Variants in MERTK observed in about 807,000 individuals in gnomAD.
MERTK encodes the protein MER proto-oncogene, tyrosine kinase, also known as tyrosine-protein kinase Mer.
A neutral mutation model predicts 99.3 loss-of-function variants in MERTK; 69 were observed. The ratio of observed to expected loss-of-function variants is 0.70; its 90% CI spans 0.57 to 0.85. MERTK has a LOEUF of 0.85. MERTK is among the 40% of genes least tolerant of loss of function. The pLI is 0.00. For synonymous variants in MERTK, 426 were observed against 467.6 expected, an observed-to-expected ratio of 0.91 and a Z score of 1.15; for missense variants, 1,125 against 1,249.4, an observed-to-expected ratio of 0.90 and a Z score of 1.50.
chr2:111,931,017 T>A (rs558663038), intron 2 of MERTK, among the ~76,000 whole-genome samples: 1 of 152,336 alleles, frequency 6.6e-6, no homozygotes, highest in South Asian at 2.1e-4. Context: ...TTCTCCACTT[T>A]GGAGTGGAGC....
At chr2:111,961,401 C>T (rs909615237) in intron 4 of MERTK, among the ~76,000 whole-genome samples, 4 of 151,720 alleles carry the variant, frequency 2.6e-5, no homozygotes, top group South Asian at 2.1e-4. Flanking sequence ...GACCTCCGCC[C>T]GCCTCAGCCT....
intron 1 of MERTK, 147 bp downstream of exon 1, chr2:111,898,943 A>G: frequency 2.3e-6 from 2 of 873,354 alleles, no homozygotes; most frequent in Non-Finnish European, 3.4e-6. Context: ...GTGCCAGAGG[A>G]GGGGGCGTAG....
intron 7 of MERTK, among the ~76,000 whole-genome samples, chr2:111,979,561 CTG>C (rs1354988695): frequency 1.3e-5 from 2 of 152,000 alleles, no homozygotes; most frequent in Admixed American, 6.6e-5. Context: ...GTTCCACTCT[CTG>C]TTTTTTCCAG....
At chr2:111,969,980 C>G (rs1287171392) in intron 6 of MERTK, among the ~76,000 whole-genome samples, 1 of 152,090 alleles carries the variant, frequency 6.6e-6, no homozygotes, top group East Asian at 1.9e-4. Flanking sequence ...CGTGAGCCAC[C>G]GCGCCCTGCC....
chr2:111,944,586 A>C (rs1222152649), intron 2 of MERTK, among the ~76,000 whole-genome samples: 1 of 36 alleles, frequency 0.028, no homozygotes, highest in African/African-American at 0.5. Flanking sequence ...TGTTGGGTGG[A>C]GACCCATGAA....
chr2:111,905,500 G>A (rs561177438), intron 1 of MERTK, among the ~76,000 whole-genome samples: 6 of 141,540 alleles, frequency 4.2e-5, no homozygotes, highest in Middle Eastern at 3.4e-3. Context: ...GTGCAGTGGC[G>A]CGATCTCAGC....
intron 7 of MERTK, among the ~76,000 whole-genome samples, chr2:111,977,164 C>T (rs1182266599): frequency 3.3e-5 from 5 of 152,144 alleles, no homozygotes; most frequent in Non-Finnish European, 7.4e-5. Context: ...CTCCTTCTTC[C>T]TGAAGAACTT....
intron 8 of MERTK, among the ~76,000 whole-genome samples, chr2:111,988,310 C>T (rs1165177754): frequency 6.6e-6 from 1 of 152,088 alleles, no homozygotes; most frequent in Admixed American, 6.6e-5. Flanking sequence ...TTCTCATGGC[C>T]AGCCAGGGAT....
intron 10 of MERTK, among the ~76,000 whole-genome samples, chr2:111,999,782 TG>T (rs1676829277): frequency 6.6e-6 from 1 of 152,104 alleles, no homozygotes; most frequent in Non-Finnish European, 1.5e-5. Flanking sequence ...CGGGTGCAGG[TG>T]GGCTGAGTCC....
At chr2:111,962,626 G>T (rs569465785) in intron 4 of MERTK, among the ~76,000 whole-genome samples, 163 of 152,256 alleles carry the variant, frequency 1.1e-3, no homozygotes, top group African/African-American at 3.8e-3. Flanking sequence ...ACATTGGTGT[G>T]GTGCATTTGC....
At chr2:111,937,929 A>G (rs1180467772) in intron 2 of MERTK, among the ~76,000 whole-genome samples, 1 of 152,114 alleles carries the variant, frequency 6.6e-6, no homozygotes, top group East Asian at 1.9e-4. Context: ...AAACATATAT[A>G]TAACATAAAG....
At chr2:111,921,769 T>C (rs1684463782) in intron 1 of MERTK, among the ~76,000 whole-genome samples, 1 of 152,058 alleles carries the variant, frequency 6.6e-6, no homozygotes. Context: ...TTTATTTCTA[T>C]TTTTGGTAGA....
intron 3 of MERTK, among the ~76,000 whole-genome samples, chr2:111,945,568 G>A (rs1684948133): frequency 1.3e-5 from 2 of 152,210 alleles, no homozygotes; most frequent in African/African-American, 4.8e-5. Context: ...GTATCTGTCA[G>A]GTGCATGGTT....
At chr2:111,988,453 GA>G (rs1676539540) in intron 8 of MERTK, among the ~76,000 whole-genome samples, 1 of 152,144 alleles carries the variant, frequency 6.6e-6, no homozygotes, top group South Asian at 2.1e-4. Flanking sequence ...CAGCCTTGAT[GA>G]TTTTCTCTAA....
intron 4 of MERTK, among the ~76,000 whole-genome samples, chr2:111,962,794 T>A (rs1253839853): frequency 6.6e-6 from 1 of 152,220 alleles, no homozygotes; most frequent in East Asian, 1.9e-4. Context: ...AGGCTCCTCT[T>A]GGCTGTGACA....
chr2:111,921,432 G>A (rs1001366153), intron 1 of MERTK, among the ~76,000 whole-genome samples: 3 of 151,704 alleles, frequency 2.0e-5, no homozygotes, highest in Admixed American at 6.6e-5. Context: ...CCCTGGAGGC[G>A]AGGTTTGCAG....
At chr2:111,918,638 G>A (rs1358558867) in intron 1 of MERTK, among the ~76,000 whole-genome samples, 2 of 152,246 alleles carry the variant, frequency 1.3e-5, no homozygotes, top group African/African-American at 4.8e-5. Context: ...TTCATTGCAA[G>A]AGTTGAATGG....
chr2:111,918,470 G>A (rs1684393623), intron 1 of MERTK, among the ~76,000 whole-genome samples: 1 of 152,206 alleles, frequency 6.6e-6, no homozygotes, highest in Non-Finnish European at 1.5e-5. Flanking sequence ...GCCTCCGGCA[G>A]TATCAACCCC....
chr2:111,934,865 G>A (rs1404840852), intron 2 of MERTK, among the ~76,000 whole-genome samples: 1 of 152,034 alleles, frequency 6.6e-6, no homozygotes, highest in Non-Finnish European at 1.5e-5. Context: ...TACATTTAAG[G>A]GGAAGAGAAG....
Sources: gnomAD v4.1 joint callset for allele counts (sites outside exome capture counted in the v4.1 genomes callset) on GRCh38, gnomAD v4.1.1 for gene constraint, MANE v1.5 for transcripts, NCBI Gene and HGNC (gene_info 2026-07-23, HGNC 2026-07-21) for gene names.